The following POLA1 variants were observed in gnomAD, a reference collection of about 807,000 sequenced individuals.
POLA1 encodes DNA polymerase alpha catalytic subunit.
In POLA1, 15 loss-of-function variants were observed where a neutral mutation model predicts 124.0. The observed-to-expected ratio is 0.12, with a 90% confidence interval of 0.08 to 0.19. The LOEUF (loss-of-function observed/expected upper bound fraction) is 0.19. Among genes scored for constraint, POLA1 ranks in the 10% least tolerant of loss-of-function variants. The pLI is 1.00. For synonymous variants in POLA1, 408 were observed against 389.4 expected, an observed-to-expected ratio of 1.05 and a Z score of -0.56; for missense variants, 886 against 1,103.4, an observed-to-expected ratio of 0.80 and a Z score of 2.79.
intron 26 of POLA1, among the ~76,000 whole-genome samples, chrX:24,803,168 T>C (rs1433840492): frequency 9.0e-5 from 10 of 111,569 alleles, no homozygotes; most frequent in Admixed American, 1.9e-4. Context: ...AATGTGTGCC[T>C]GGATAGAGAA....
intron 30 of POLA1, among the ~76,000 whole-genome samples, chrX:24,818,630 G>A (rs1313769819): frequency 9.0e-6 from 1 of 111,274 alleles, no homozygotes; most frequent in Non-Finnish European, 1.9e-5. Flanking sequence ...GTGTTGATGT[G>A]GTTTATCTCG....
chrX:24,884,359 C>T lies in POLA1; in HGVS notation c.4048-3647C>T, dbSNP rs772025422. ...AGACAGGGTTTTGCCATGTTGCCGA[C>T]GCTGGTCTTGAACTCCTGAGCTCAG... On this transcript the variant is annotated intron_variant, in intron 34 of 36. Coordinates refer to ENST00000379068, the MANE Select transcript of POLA1 (RefSeq NM_001330360.2). 8.1e-5 allele frequency among the ~76,000 whole-genome samples: 9 copies of T among 110,960 alleles called. No individual in the cohort carries two copies. The East Asian group carries it at 1.1e-3, about 14-fold the overall frequency.
intron 26 of POLA1, among the ~76,000 whole-genome samples, chrX:24,769,225 T>C (rs761395476): frequency 3.6e-5 from 4 of 111,704 alleles, no homozygotes; most frequent in Non-Finnish European, 7.5e-5. Flanking sequence ...GTTTCGGGGG[T>C]TTGAAATATG....
chrX:24,854,828 CAA>C (rs1351936669), intron 34 of POLA1, among the ~76,000 whole-genome samples: 3 of 59,467 alleles, frequency 5.0e-5, no homozygotes, highest in Admixed American at 2.0e-4. Context: ...GACTCCATCT[CAA>C]AAAAAAAAAA....
chrX:24,991,304 T>C (rs2048533608), intron 36 of POLA1, among the ~76,000 whole-genome samples: 1 of 106,983 alleles, frequency 9.3e-6, no homozygotes, highest in Non-Finnish European at 1.9e-5. Flanking sequence ...ACATGACAAA[T>C]GCAAACACCC....
intron 26 of POLA1, among the ~76,000 whole-genome samples, chrX:24,773,480 A>G (rs2045079955): frequency 8.9e-6 from 1 of 112,195 alleles, no homozygotes; most frequent in African/African-American, 3.2e-5. Flanking sequence ...TGCTGAGAGC[A>G]TTCCTTCTGG....
chrX:24,977,505 C>T (rs2048378395), intron 36 of POLA1, among the ~76,000 whole-genome samples: 1 of 111,633 alleles, frequency 9.0e-6, no homozygotes. Flanking sequence ...TGCATGGGCA[C>T]ATTCATGATG....
chrX:24,709,020 C>G (rs1228002020), intron 4 of POLA1, among the ~76,000 whole-genome samples: 1 of 93,006 alleles, frequency 1.1e-5, no homozygotes, highest in Non-Finnish European at 2.3e-5. Flanking sequence ...GGGGGGCTGA[C>G]CCCCCCCACC....
Position 24,742,162 on chromosome X carries a change from C to G in POLA1, c.2466+41C>G, listed in dbSNP as rs777545487. The G allele has an allele frequency of 1.7e-4, 135 of 808,706 alleles. 1 individual carries two copies. The highest frequency in any genetic ancestry group is 3.1e-4 in the Middle Eastern group (1 of 3,263). The allele number at this position is 808,706 out of a possible 1,213,427, so 66.6% of individuals were successfully genotyped here. On this transcript the variant is annotated intron_variant, in intron 22 of 36. Transcript: ENST00000379068. Reference sequence around the variant, plus strand: ...TGTAGTATTTTGTTTTCTCTTAACCCCCCCCCCCCTTTTAATACCTAGATA... The same window carrying G: ...TGTAGTATTTTGTTTTCTCTTAACCGCCCCCCCCCTTTTAATACCTAGATA...
At chrX:24,931,784 C>T (rs1196768778) in intron 36 of POLA1, among the ~76,000 whole-genome samples, 2 of 112,467 alleles carry the variant, frequency 1.8e-5, no homozygotes, top group African/African-American at 6.5e-5. Flanking sequence ...AGGACCTTTC[C>T]TAAAGACAGT....
At chrX:24,707,794 G>T (rs933286334) in intron 4 of POLA1, among the ~76,000 whole-genome samples, 6 of 111,904 alleles carry the variant, frequency 5.4e-5, no homozygotes, top group African/African-American at 1.9e-4. Flanking sequence ...AGGAGTTCAA[G>T]ACCAGCCTGG....
At chrX:24,709,055 C>CGG (rs1204932387) in intron 4 of POLA1, among the ~76,000 whole-genome samples, 1 of 89,126 alleles carries the variant, frequency 1.1e-5, no homozygotes, top group Admixed American at 1.2e-4. Context: ...GGCGGCTGGC[C>CGG]GGGCGGGGGG....
At chrX:24,733,899 GTTTTATA>G in intron 17 of POLA1, 83 bp downstream of exon 17, 2 of 519,704 alleles carry the variant, frequency 3.8e-6, no homozygotes, top group East Asian at 3.5e-5. Context: ...GAAAAAAGGT[GTTTTATA>G]TTTTATTAGA....
chrX:24,710,033 G>A (rs1339773085), intron 4 of POLA1, among the ~76,000 whole-genome samples: 32 of 103,443 alleles, frequency 3.1e-4, no homozygotes, highest in Non-Finnish European at 5.9e-4. Context: ...GGAGGCCAAG[G>A]CAGGCGGCTG....
intron 26 of POLA1, among the ~76,000 whole-genome samples, chrX:24,757,601 G>A (rs983099716): frequency 3.7e-5 from 4 of 108,560 alleles, no homozygotes; most frequent in African/African-American, 1.0e-4. Flanking sequence ...CACCATGCCC[G>A]GCTAATGTTT....
chrX:24,908,686 A>G (rs191677216), intron 35 of POLA1, among the ~76,000 whole-genome samples: 5 of 111,283 alleles, frequency 4.5e-5, no homozygotes, highest in Non-Finnish European at 9.4e-5. Flanking sequence ...ATAGTGCCAC[A>G]ATAAACACAC....
intron 36 of POLA1, among the ~76,000 whole-genome samples, chrX:24,967,808 C>T (rs1404811610): frequency 1.8e-5 from 2 of 111,745 alleles, no homozygotes; most frequent in East Asian, 5.6e-4. Context: ...TTGATGCGGA[C>T]ACCACTAGCT....
chrX:24,805,686 T>C (rs1349450990), intron 26 of POLA1, among the ~76,000 whole-genome samples: 2 of 111,853 alleles, frequency 1.8e-5, no homozygotes, highest in African/African-American at 6.5e-5. Context: ...AGTTGGCAGA[T>C]TTTTGAAATG....
At chrX:24,761,330 A>G (rs1932790241) in intron 26 of POLA1, among the ~76,000 whole-genome samples, 1 of 111,473 alleles carries the variant, frequency 9.0e-6, no homozygotes, top group Admixed American at 9.5e-5. Flanking sequence ...GAGTGGAACA[A>G]AGATATTAGG....
Sources: allele counts gnomAD v4.1 joint callset (sites outside exome capture counted in the v4.1 genomes callset), GRCh38; gene constraint gnomAD v4.1.1; transcripts MANE v1.5; gene names NCBI Gene and HGNC (gene_info 2026-07-23, HGNC 2026-07-21).